The following TMEM108 variants were observed in gnomAD, a reference collection of about 807,000 sequenced individuals.
The protein encoded by TMEM108 is transmembrane protein 108.
TMEM108 carries 12 observed loss-of-function variants against 35.1 expected under a neutral mutation model. The observed-to-expected ratio is 0.34, with a 90% CI of 0.22 to 0.55. TMEM108 has a LOEUF of 0.55. Ranked by LOEUF, TMEM108 falls within the 20% of genes least tolerant of loss-of-function variation. The probability of loss-of-function intolerance (pLI) is 0.89; values close to 1 mark genes in which losing one functional copy is unlikely to be tolerated. For missense variants in TMEM108, 680 were observed against 753.3 expected, an observed-to-expected ratio of 0.90 and a Z score of 1.14; for synonymous variants, 287 against 308.6, an observed-to-expected ratio of 0.93 and a Z score of 0.73.
intron 3 of TMEM108, among the ~76,000 whole-genome samples, chr3:133,236,116 G>A (rs1471279362): frequency 6.6e-6 from 1 of 152,082 alleles, no homozygotes; most frequent in African/African-American, 2.4e-5. Context: ...TAAATACTTA[G>A]AATTAAGCAG....
At chr3:133,331,748 C>T (rs1208041930) in intron 3 of TMEM108, among the ~76,000 whole-genome samples, 1 of 152,176 alleles carries the variant, frequency 6.6e-6, no homozygotes, top group African/African-American at 2.4e-5. Context: ...TATTCAAGAA[C>T]TCAGAAGAAG....
In TMEM108 at chr3:133,352,620, G is replaced by C. The variant is rs73207749; in HGVS notation, c.41-27132G>C. The stretch of plus-strand genomic sequence containing the variant: ...TGCTTGAACAGCTTACAGAATTCAG[G>C]AAAACCATATGCTTAGTAGCTTACT... On this transcript the variant is annotated intron_variant, in intron 3 of 5. Coordinates refer to ENST00000321871, the MANE Select transcript of TMEM108 (RefSeq NM_023943.4). 2.0e-5 allele frequency among the ~76,000 whole-genome samples: 3 copies of C among 152,114 alleles called. No individual in the cohort carries two copies. The South Asian group carries it at 6.2e-4, about 32-fold the overall frequency.
chr3:133,169,422 A>G (rs974124696), intron 2 of TMEM108, among the ~76,000 whole-genome samples: 1 of 152,238 alleles, frequency 6.6e-6, no homozygotes, highest in East Asian at 1.9e-4. Context: ...TCTATACAGC[A>G]AAGGGACTGT....
intron 3 of TMEM108, among the ~76,000 whole-genome samples, chr3:133,238,451 A>G (rs1175525886): frequency 6.6e-6 from 1 of 152,240 alleles, no homozygotes. Flanking sequence ...ATCACACACT[A>G]TCAATTACAT....
chr3:133,379,306 G>T (rs904489761), intron 3 of TMEM108, among the ~76,000 whole-genome samples: 3 of 152,200 alleles, frequency 2.0e-5, no homozygotes, highest in African/African-American at 7.2e-5. Context: ...TCCTCATTTG[G>T]CTTGGGGTGG....
chr3:133,266,267 G>T (rs1424422153), intron 3 of TMEM108, among the ~76,000 whole-genome samples: 1 of 152,130 alleles, frequency 6.6e-6, no homozygotes, highest in East Asian at 1.9e-4. Flanking sequence ...TTGGGGCATA[G>T]ATTAGATATC....
intron 4 of TMEM108, chr3:133,389,394 G>A: frequency 2.0e-6 from 2 of 985,474 alleles, no homozygotes; most frequent in Non-Finnish European, 2.4e-6. Flanking sequence ...TAAGAGCATA[G>A]ACTGGCCAGG....
In TMEM108 at chr3:133,204,495, A is replaced by T. The variant is rs376491115; in HGVS notation, c.-46-24771A>T. On this transcript the variant is annotated intron_variant, in intron 2 of 5. Transcript: ENST00000321871. The stretch of plus-strand genomic sequence containing the variant: ...AGCTGTGTCCCAGAGATTCGGGTAC[A>T]TTGTGTCTTTGTTCTCATTGGTTTC... 2.6e-4 allele frequency among the ~76,000 whole-genome samples: 39 copies of T among 152,140 alleles called. No individual in the cohort carries two copies. In the East Asian group the frequency reaches 6.8e-3, roughly 26 times the overall value.
chr3:133,232,886 T>C (rs1279184827), intron 3 of TMEM108, among the ~76,000 whole-genome samples: 1 of 152,220 alleles, frequency 6.6e-6, no homozygotes, highest in African/African-American at 2.4e-5. Context: ...TGAGAGCCTT[T>C]ATGGTTATAT....
intron 3 of TMEM108, chr3:133,257,007 A>G (rs1383739835): frequency 6.6e-6 from 1 of 152,228 alleles, no homozygotes; most frequent in East Asian, 1.9e-4. Context: ...CTGAAAGGGA[A>G]ACAGTGCCTG....
At chr3:133,120,199 T>C (rs1359825236) in intron 2 of TMEM108, among the ~76,000 whole-genome samples, 3 of 152,218 alleles carry the variant, frequency 2.0e-5, no homozygotes, top group Non-Finnish European at 4.4e-5. Flanking sequence ...TGCACATCTT[T>C]TGGGTTTTCG....
intron 3 of TMEM108, among the ~76,000 whole-genome samples, chr3:133,275,338 T>C (rs1055693248): frequency 6.6e-6 from 1 of 152,240 alleles, no homozygotes; most frequent in African/African-American, 2.4e-5. Flanking sequence ...AAATTGATTT[T>C]AATAATATAT....
At chr3:133,272,272 C>CGTGTGTGTGTGTGTGTGTGTGT (rs3078833) in intron 3 of TMEM108, among the ~76,000 whole-genome samples, 2 of 137,836 alleles carry the variant, frequency 1.5e-5, no homozygotes, top group East Asian at 2.2e-4. Context: ...CATACACGTA[C>CGTGTGTGTGTGTGTGTGTGTGT]GTGTGTGTGT....
intron 2 of TMEM108, among the ~76,000 whole-genome samples, chr3:133,178,942 A>T (rs1347509156): frequency 2.2e-4 from 33 of 152,022 alleles, no homozygotes; most frequent in South Asian, 6.2e-4. Flanking sequence ...GAATCTACAA[A>T]GAACTCAAAC....
chr3:133,261,499 C>G (rs138368285), intron 3 of TMEM108, among the ~76,000 whole-genome samples: 107 of 152,352 alleles, frequency 7.0e-4, no homozygotes, highest in African/African-American at 2.4e-3. Context: ...CATACTCTTA[C>G]TTACCTCTTC....
At chr3:133,071,299 C>T (rs1943672867) in intron 2 of TMEM108, among the ~76,000 whole-genome samples, 1 of 152,038 alleles carries the variant, frequency 6.6e-6, no homozygotes, top group South Asian at 2.1e-4. Flanking sequence ...TTCTTCTGAG[C>T]CCTCTCTCCT....
rs780279321 is a variant in TMEM108, at chr3:133,380,262, C to T, written c.551C>T (p.Pro184Leu). 6.2e-6 allele frequency: 10 copies of T among 1,614,056 alleles called. No homozygotes were observed. The highest frequency in any genetic ancestry group is 1.1e-5 in the South Asian group (1 of 91,076). The change falls in exon 4 of 6, where the codon CCG becomes CTG. Residue 184 changes from proline (P) to leucine (L), a missense_variant. Around this residue, in one of 3 missense-constraint regions of TMEM108, gnomAD observed 526 missense variants for 532.1 expected, o/e 0.99. Coordinates refer to ENST00000321871, the MANE Select transcript of TMEM108 (RefSeq NM_023943.4). The surrounding 1 kb of genome is among the most constrained non-coding windows in gnomAD (Gnocchi z 5.3). The stretch of plus-strand genomic sequence containing the variant: ...GCTGGTAATTCATCACGCCCTGTCC[C>T]GCCTGCACCTGGTGGCCACTCCAGG... ...KGAGNSSRPV[P>L]PAPGGHSRSK...
chr3:133,131,667 C>T (rs1944492381), intron 2 of TMEM108, among the ~76,000 whole-genome samples: 1 of 151,488 alleles, frequency 6.6e-6, no homozygotes, highest in Non-Finnish European at 1.5e-5. Context: ...TAAATTCGAC[C>T]AATTAATAAC....
intron 2 of TMEM108, among the ~76,000 whole-genome samples, chr3:133,167,897 G>A (rs1394681786): frequency 6.6e-6 from 1 of 152,150 alleles, no homozygotes; most frequent in Non-Finnish European, 1.5e-5. Flanking sequence ...CCGAGGCTGA[G>A]GAGGCACCGA....
Sources: allele counts gnomAD v4.1 joint callset (sites outside exome capture counted in the v4.1 genomes callset), GRCh38; gene constraint gnomAD v4.1.1; regional missense constraint gnomAD v4.1.1; non-coding constraint Gnocchi (gnomAD v3.1); transcripts MANE v1.5; gene names NCBI Gene and HGNC (gene_info 2026-07-23, HGNC 2026-07-21).